Variants in MUSK observed in about 807,000 individuals in gnomAD.
MUSK encodes muscle associated receptor tyrosine kinase.
Under a neutral mutation model 88.7 loss-of-function variants are expected in MUSK, and 55 were observed. The ratio of observed to expected loss-of-function variants is 0.62; its 90% CI spans 0.50 to 0.78. The LOEUF is 0.78. MUSK is among the 30% of genes least tolerant of loss of function. MUSK has a pLI of 0.00. For synonymous variants in MUSK, 387 were observed against 391.9 expected, an observed-to-expected ratio of 0.99 and a Z score of 0.15; for missense variants, 1,015 against 1,074.3, an observed-to-expected ratio of 0.94 and a Z score of 0.77.
At chr9:110,743,556 A>G (rs996372890) in intron 6 of MUSK, among the ~76,000 whole-genome samples, 3 of 152,252 alleles carry the variant, frequency 2.0e-5, no homozygotes, top group Non-Finnish European at 4.4e-5. Context: ...TGTCCAATAA[A>G]TATAATTTCT....
In MUSK at chr9:110,767,920, T is replaced by C. The variant is rs867394741; in HGVS notation, c.1021T>C (p.Tyr341His). 6.2e-7 allele frequency: 1 copy of C among 1,613,958 alleles called. No homozygotes were observed. Among genetic ancestry groups the C allele is most frequent in the Non-Finnish European group, 8.5e-7 (1 of 1,179,880 alleles). Residue 341 changes from tyrosine (Y) to histidine (H), a missense_variant, in exon 9 of 15, where the codon TAT (tyrosine) becomes CAT (histidine). Coordinates refer to ENST00000374448, the MANE Select transcript of MUSK (RefSeq NM_005592.4). ...KDALVFLNTS[Y>H]ADPEEAQELL... ...TGCTCTTGTTTTTCTCAACACCTCCTATGCGGACCCTGAGGAGGCCCAAGA... is the reference window on the plus strand; with the variant it reads ...TGCTCTTGTTTTTCTCAACACCTCCCATGCGGACCCTGAGGAGGCCCAAGA...
intron 9 of MUSK, among the ~76,000 whole-genome samples, chr9:110,773,871 A>G (rs2077621372): frequency 6.6e-6 from 1 of 152,194 alleles, no homozygotes; most frequent in Non-Finnish European, 1.5e-5. Flanking sequence ...TCCAGATTGT[A>G]GAAAGATTAT....
rs543299005 is a variant in MUSK, at chr9:110,799,597, G to A, written c.1928-709G>A. ...ACAGCAATTACATTACATACTCAGA[G>A]CAAGCATCCATTCATAAATTAACTC... On this transcript the variant is annotated intron_variant, in intron 14 of 14. Coordinates refer to ENST00000374448, the MANE Select transcript of MUSK (RefSeq NM_005592.4). Among the ~76,000 whole-genome samples, 3 of 152,316 alleles carry A rather than the reference G, an allele frequency of 2.0e-5. No homozygotes were observed. In the South Asian group the frequency reaches 6.2e-4, roughly 32 times the overall value.
At chr9:110,722,566 A>G (rs1044998897) in intron 5 of MUSK, among the ~76,000 whole-genome samples, 1 of 152,044 alleles carries the variant, frequency 6.6e-6, no homozygotes, top group African/African-American at 2.4e-5. Context: ...TAATTAAACT[A>G]AAAAGCTTCT....
chr9:110,804,721 T>C lies in MUSK; in HGVS notation c.*3733T>C. The stretch of plus-strand genomic sequence containing the variant: ...TCTTATAAAAGTAATATATTATGTT[T>C]GAAAAGAAAAATAATATGCAATAAT... On this transcript the variant is annotated 3_prime_UTR_variant, in exon 15 of 15. Coordinates refer to ENST00000374448, the MANE Select transcript of MUSK (RefSeq NM_005592.4). Among the ~76,000 whole-genome samples the C allele has an allele frequency of 4.6e-5, 7 of 151,828 alleles. 1 individual carries two copies. In the Middle Eastern group the frequency reaches 0.021, roughly 446 times the overall value.
intron 5 of MUSK, among the ~76,000 whole-genome samples, chr9:110,701,990 G>A (rs73538007): frequency 0.022 from 3,216 of 148,616 alleles, 119 homozygotes; most frequent in African/African-American, 0.076. Flanking sequence ...CAATCCTCCA[G>A]CCTTGACCTC....
At chr9:110,712,481 G>A (rs1464467720) in intron 5 of MUSK, among the ~76,000 whole-genome samples, 1 of 152,134 alleles carries the variant, frequency 6.6e-6, no homozygotes, top group Non-Finnish European at 1.5e-5. Context: ...TCTCCTCCAA[G>A]TGGTTCTCAA....
chr9:110,710,502 T>C (rs181105758), intron 5 of MUSK, among the ~76,000 whole-genome samples: 3 of 152,304 alleles, frequency 2.0e-5, no homozygotes, highest in Admixed American at 1.3e-4. Context: ...GCTTCTTGAA[T>C]TTCATAAATA....
At chr9:110,694,947 T>C (rs768205177) in intron 3 of MUSK, among the ~76,000 whole-genome samples, 7 of 152,136 alleles carry the variant, frequency 4.6e-5, no homozygotes, top group Non-Finnish European at 1.0e-4. Flanking sequence ...TAAAATTTAA[T>C]AGTCAAATTA....
intron 1 of MUSK, among the ~76,000 whole-genome samples, chr9:110,673,820 G>T (rs181433737): frequency 6.6e-6 from 1 of 152,252 alleles, no homozygotes; most frequent in Admixed American, 6.5e-5. Context: ...TTTTGAAAAT[G>T]CAAAATACAT....
rs577662539 is a variant in MUSK at position 110,675,275 on chromosome 9, G to T, written c.79+6292G>T. Among the ~76,000 whole-genome samples the T allele has an allele frequency of 9.7e-5, 14 of 143,866 alleles. No individual in the cohort carries two copies. The South Asian group carries it at 2.9e-3, about 30-fold the overall frequency. 94.4% of individuals were successfully genotyped at this position (143,866 alleles called of 152,430 possible). ...CTTGCACTGTCGCCCAGGCTGGAGTGCAGTGTCGCGATCTCAGCTCATTAC... is the reference window on the plus strand; with the variant it reads ...CTTGCACTGTCGCCCAGGCTGGAGTTCAGTGTCGCGATCTCAGCTCATTAC... On this transcript the variant is annotated intron_variant, in intron 1 of 14. Transcript: ENST00000374448.
At chr9:110,768,157 T>C in intron 9 of MUSK, 74 bp downstream of exon 9, 3 of 1,396,850 alleles carry the variant, frequency 2.1e-6, no homozygotes, top group East Asian at 2.3e-5. Flanking sequence ...TTTTGAAAAA[T>C]GTTGTAATAT....
chr9:110,709,100 G>A (rs1191091967), intron 5 of MUSK, among the ~76,000 whole-genome samples: 1 of 152,206 alleles, frequency 6.6e-6, no homozygotes, highest in Non-Finnish European at 1.5e-5. Context: ...AGAAGGCCAT[G>A]CCTCCACTGG....
intron 3 of MUSK, among the ~76,000 whole-genome samples, chr9:110,690,247 AAT>A (rs2076319238): frequency 1.4e-5 from 1 of 73,926 alleles, no homozygotes; most frequent in South Asian, 3.8e-4. Flanking sequence ...AGTATATATA[AAT>A]ATATATAAAT....
chr9:110,692,684 T>C (rs2076373458), intron 3 of MUSK, among the ~76,000 whole-genome samples: 1 of 152,158 alleles, frequency 6.6e-6, no homozygotes, highest in East Asian at 1.9e-4. Context: ...CTGAGTGTTT[T>C]GGTCTTAAAA....
rs150440779 is a variant in MUSK at position 110,676,360 on chromosome 9, A to ATATTATATATTATATATTATATATTATAT, written c.80-6304_80-6303insTATATATTATATATTATATTATTATATAT. Among the ~76,000 whole-genome samples the ATATTATATATTATATATTATATATTATAT allele has an allele frequency of 6.7e-3, 983 of 147,510 alleles. 11 individuals are homozygous for ATATTATATATTATATATTATATATTATAT. Among genetic ancestry groups the ATATTATATATTATATATTATATATTATAT allele is most frequent in the East Asian group, 0.056 (286 of 5,112 alleles). On this transcript the variant is annotated intron_variant, in intron 1 of 14. Coordinates refer to ENST00000374448, the MANE Select transcript of MUSK (RefSeq NM_005592.4). ...TACACACACATATATTATATATTAT[A>ATATTATATATTATATATTATATATTATAT]TATTATATATGTGTGTGTATGTGTA...
Position 110,697,321 on chromosome 9 carries a change from G to C in MUSK, c.487-4G>C. The C allele has an allele frequency of 6.2e-7, 1 of 1,612,216 alleles. No homozygotes were observed. Among genetic ancestry groups the C allele is most frequent in the Non-Finnish European group, 8.5e-7 (1 of 1,178,916 alleles). ...TTTTGAATTCACGTCCCTATCTCTG[G>C]CAGGAAAATTCCCGAATTGCAGTTC... On this transcript the variant is annotated splice_region_variant and splice_polypyrimidine_tract_variant and intron_variant, in intron 4 of 14. Transcript: ENST00000374448.
At chr9:110,745,759 C>T (rs533691351) in intron 6 of MUSK, among the ~76,000 whole-genome samples, 1 of 152,220 alleles carries the variant, frequency 6.6e-6, no homozygotes, top group East Asian at 1.9e-4. Flanking sequence ...GGGGAAAATG[C>T]CACAATACTT....
chr9:110,746,990 C>A (rs1360676633), intron 6 of MUSK, among the ~76,000 whole-genome samples: 1 of 152,060 alleles, frequency 6.6e-6, no homozygotes, highest in Non-Finnish European at 1.5e-5. Flanking sequence ...AGACATATAT[C>A]AGAGGATCCA....
Sources: gnomAD v4.1 joint callset for allele counts (sites outside exome capture counted in the v4.1 genomes callset) on GRCh38, gnomAD v4.1.1 for gene constraint, MANE v1.5 for transcripts, NCBI Gene and HGNC (gene_info 2026-07-23, HGNC 2026-07-21) for gene names.